The following IL10RB variants were observed in gnomAD, a reference collection of about 807,000 sequenced individuals.
The protein encoded by IL10RB is interleukin-10 receptor subunit beta.
A neutral mutation model predicts 38.7 loss-of-function variants in IL10RB; 30 were observed. The ratio of observed to expected loss-of-function variants is 0.78; its 90% CI spans 0.58 to 1.05. IL10RB has a LOEUF of 1.05. IL10RB is among the 50% of genes least tolerant of loss of function. The pLI is 0.00. For synonymous variants in IL10RB, 142 were observed against 145.9 expected, an observed-to-expected ratio of 0.97 and a Z score of 0.19; for missense variants, 328 against 397.1, an observed-to-expected ratio of 0.83 and a Z score of 1.48.
intron 6 of IL10RB, among the ~76,000 whole-genome samples, chr21:33,289,875 G>A (rs1278437595): frequency 6.6e-6 from 1 of 152,206 alleles, no homozygotes; most frequent in Non-Finnish European, 1.5e-5. Context: ...CACTTTGGGA[G>A]GCTGAAGTGG....
At chr21:33,271,727 C>CA (rs34794407) in intron 2 of IL10RB, among the ~76,000 whole-genome samples, 1,841 of 110,864 alleles carry the variant, frequency 0.017, 26 homozygotes, top group African/African-American at 0.046. Flanking sequence ...GACTCCATCT[C>CA]AAAAAAAAAA....
In IL10RB at chr21:33,266,480, T is replaced by G; in HGVS notation, c.15T>G (p.Leu5=). 1 of 1,542,688 alleles carries G rather than the reference T, an allele frequency of 6.5e-7. No homozygotes were observed. Among genetic ancestry groups the G allele is most frequent in the Non-Finnish European group, 8.7e-7 (1 of 1,147,120 alleles). ...AGCGTCCGTCCATGGCGTGGAGCCT[T>G]GGGAGCTGGCTGGGTGGCTGCCTGC... MAWS[L]GSWLGGCLLV... is the part of the protein sequence containing the mutation. The change falls in exon 1 of 7, where the codon CTT becomes CTG. Residue 5 remains leucine, a synonymous_variant. Transcript: ENST00000290200.
chr21:33,287,110 C>A (rs77106984), intron 5 of IL10RB, among the ~76,000 whole-genome samples: 1,577 of 152,116 alleles, frequency 0.01, 26 homozygotes, highest in African/African-American at 0.036. Context: ...AATATCCCTG[C>A]GTTGTGGGAG....
intron 2 of IL10RB, 93 bp downstream of exon 2, chr21:33,268,610 T>G: frequency 1.1e-6 from 1 of 901,548 alleles, no homozygotes; most frequent in Non-Finnish European, 1.9e-6. Flanking sequence ...GGAGTCTGAC[T>G]ACGGTCACCG....
intron 3 of IL10RB, among the ~76,000 whole-genome samples, chr21:33,277,021 T>A (rs1346923916): frequency 1.4e-5 from 2 of 147,506 alleles, no homozygotes; most frequent in Admixed American, 6.8e-5. Context: ...GGGCCCGTGC[T>A]GTTGAGGAGA....
rs35602574 is a variant in IL10RB at position 33,291,272 on chromosome 21, C to CTT, written c.804+3020_804+3021dup. Among the ~76,000 whole-genome samples, 1,225 of 149,190 alleles carry CTT rather than the reference C, an allele frequency of 8.2e-3. 12 individuals are homozygous for CTT. Among genetic ancestry groups the CTT allele is most frequent in the African/African-American group, 0.028 (1,141 of 40,680 alleles). On this transcript the variant is annotated intron_variant, in intron 6 of 6. Coordinates refer to ENST00000290200, the MANE Select transcript of IL10RB (RefSeq NM_000628.5). ...TAGAGGGATTAGGACATATGAATTT[C>CTT]TTTTTTTTTTGGAGACGGAGTCTCA...
At chr21:33,267,735 C>T (rs1485507707) in intron 1 of IL10RB, among the ~76,000 whole-genome samples, 4 of 151,992 alleles carry the variant, frequency 2.6e-5, no homozygotes, top group Non-Finnish European at 5.9e-5. Context: ...AGGCTGGTCT[C>T]GAACTCCTGA....
At chr21:33,275,152 C>CTTTTTTTTTTTT in intron 2 of IL10RB, among the ~76,000 whole-genome samples, 1 of 102,308 alleles carries the variant, frequency 9.8e-6, no homozygotes, top group Non-Finnish European at 2.0e-5. Flanking sequence ...TCCAACTTTT[C>CTTTTTTTTTTTT]TTTTTTTTTT....
At chr21:33,291,690 T>G (rs1989490477) in intron 6 of IL10RB, among the ~76,000 whole-genome samples, 2 of 152,202 alleles carry the variant, frequency 1.3e-5, no homozygotes, top group Non-Finnish European at 2.9e-5. Context: ...AAATCACTCC[T>G]AAACTAAAGG....
chr21:33,296,201 T>C lies in IL10RB; in HGVS notation c.822T>C (p.His274=), dbSNP rs146668107. ...QHLKEFLGHP[H]HNTLLFFSFP... ...CTCCACAGTTTTTGGGCCATCCTCA[T>C]CATAACACACTTCTGTTTTTCTCCT... Residue 274 remains histidine (H), a synonymous_variant, in exon 7 of 7, where the codon CAT becomes CAC. Coordinates refer to ENST00000290200, the MANE Select transcript of IL10RB (RefSeq NM_000628.5). The C allele has an allele frequency of 1.9e-5, 30 of 1,613,954 alleles. No individual in the cohort carries two copies. The highest frequency in any genetic ancestry group is 2.5e-5 in the Non-Finnish European group (30 of 1,179,908).
Position 33,283,201 on chromosome 21 carries a change from G to T in IL10RB, c.606G>T (p.Gly202=), listed in dbSNP as rs1426044405. 4.3e-6 allele frequency: 7 copies of T among 1,613,970 alleles called. No homozygotes were observed. The highest frequency in any genetic ancestry group is 5.9e-6 in the Non-Finnish European group (7 of 1,180,036). Residue 202 remains glycine (G), a synonymous_variant, in exon 5 of 7, where the codon GGG becomes GGT. Coordinates refer to ENST00000290200, the MANE Select transcript of IL10RB (RefSeq NM_000628.5). The part of the protein sequence containing the change: ...RGFLPDRNKA[G]EWSEPVCEQT... ...TTCTTCCTGATCGGAACAAAGCTGG[G>T]GAATGGAGTGAGCCTGTCTGTGAGC...
chr21:33,267,524 T>G (rs1397729447), intron 1 of IL10RB, among the ~76,000 whole-genome samples: 1 of 150,040 alleles, frequency 6.7e-6, no homozygotes, highest in Non-Finnish European at 1.5e-5. Flanking sequence ...TTTTGTTTTT[T>G]TTTGAGACAG....
At chr21:33,277,583 C>T (rs1237037822) in intron 3 of IL10RB, among the ~76,000 whole-genome samples, 1 of 151,548 alleles carries the variant, frequency 6.6e-6, no homozygotes, top group African/African-American at 2.4e-5. Flanking sequence ...GGCATGGTGG[C>T]TCACGTCTAT....
intron 6 of IL10RB, among the ~76,000 whole-genome samples, chr21:33,289,258 C>T (rs776701507): frequency 6.6e-6 from 1 of 152,230 alleles, no homozygotes; most frequent in Non-Finnish European, 1.5e-5. Flanking sequence ...GCACCACAGC[C>T]TCCATTACAG....
chr21:33,286,931 G>GA (rs1409672943), intron 5 of IL10RB, among the ~76,000 whole-genome samples: 1 of 152,100 alleles, frequency 6.6e-6, no homozygotes, highest in Admixed American at 6.5e-5. Context: ...TCAGGGAAGT[G>GA]AAAAAAATTT....
At chr21:33,271,428 A>C (rs1989077736) in intron 2 of IL10RB, among the ~76,000 whole-genome samples, 1 of 152,150 alleles carries the variant, frequency 6.6e-6, no homozygotes, top group Non-Finnish European at 1.5e-5. Context: ...TGTACATGCA[A>C]TAAAAATAAC....
At chr21:33,303,274 G>C (rs954695562) in intron 1 of IL10RB, among the ~76,000 whole-genome samples, 1 of 151,896 alleles carries the variant, frequency 6.6e-6, no homozygotes, top group Non-Finnish European at 1.5e-5. Context: ...CTCTTGACTG[G>C]AGCTCTGTTG....
Position 33,266,486 on chromosome 21 carries a change from C to A in IL10RB, c.21C>A (p.Ser7Arg). 1 of 1,542,762 alleles carries A rather than the reference C, an allele frequency of 6.5e-7. No homozygotes were observed. Among genetic ancestry groups the A allele is most frequent in the Non-Finnish European group, 8.7e-7 (1 of 1,147,204 alleles). Residue 7 changes from serine to arginine, a missense_variant, in exon 1 of 7, where the codon AGC becomes AGA. By Grantham distance (110) the Ser-to-Arg change is moderately radical. Coordinates refer to ENST00000290200, the MANE Select transcript of IL10RB (RefSeq NM_000628.5). ...CGTCCATGGCGTGGAGCCTTGGGAGCTGGCTGGGTGGCTGCCTGCTGGTGT... is the reference window on the plus strand; with the variant it reads ...CGTCCATGGCGTGGAGCCTTGGGAGATGGCTGGGTGGCTGCCTGCTGGTGT... The part of the protein sequence containing the change: MAWSLG[S>R]WLGGCLLVSA...
At chr21:33,303,448 G>A (rs767929781) in intron 1 of IL10RB, among the ~76,000 whole-genome samples, 5 of 146,866 alleles carry the variant, frequency 3.4e-5, no homozygotes, top group African/African-American at 5.0e-5. Flanking sequence ...TCCACCTCCC[G>A]GGTTCAAGCG....
Sources: allele counts gnomAD v4.1 joint callset (sites outside exome capture counted in the v4.1 genomes callset), GRCh38; gene constraint gnomAD v4.1.1; transcripts MANE v1.5; gene names NCBI Gene and HGNC (gene_info 2026-07-23, HGNC 2026-07-21).